C6orf163: variants seen among roughly 807,000 people sequenced by gnomAD.
The protein encoded by C6orf163 is chromosome 6 open reading frame 163.
A neutral mutation model predicts 28.4 loss-of-function variants in C6orf163; 22 were observed. The ratio of observed to expected loss-of-function variants is 0.78; its 90% CI spans 0.55 to 1.11. The LOEUF (loss-of-function observed/expected upper bound fraction) is 1.11. C6orf163 is among the 50% of genes least tolerant of loss of function. The probability of loss-of-function intolerance (pLI) is 0.00; values close to 1 mark genes in which losing one functional copy is unlikely to be tolerated. For missense variants in C6orf163, 342 were observed against 389.1 expected (o/e 0.88, Z 1.02); for synonymous variants, 110 against 123.6 (o/e 0.89, Z 0.73).
At chr6:87,352,742 A>C (rs1380681145) in intron 3 of C6orf163, among the ~76,000 whole-genome samples, 1 of 152,184 alleles carries the variant, frequency 6.6e-6, no homozygotes, top group Non-Finnish European at 1.5e-5. Flanking sequence ...TTGGGCCTTG[A>C]GCTTTCTGGC....
At chr6:87,354,013 A>G (rs1176849710) in intron 3 of C6orf163, among the ~76,000 whole-genome samples, 1 of 152,060 alleles carries the variant, frequency 6.6e-6, no homozygotes, top group Non-Finnish European at 1.5e-5. Flanking sequence ...CACCACACCC[A>G]GTTAATTTTG....
At chr6:87,353,974 C>T (rs1777459642) in intron 3 of C6orf163, among the ~76,000 whole-genome samples, 1 of 152,224 alleles carries the variant, frequency 6.6e-6, no homozygotes, top group African/African-American at 2.4e-5. Flanking sequence ...GCCTCAGCCT[C>T]CCAAGTAGCT....
At position 87,365,207 on chromosome 6, in the gene C6orf163, A is replaced by G. The variant is rs1777628307; in HGVS notation, c.801A>G (p.Gln267=). Residue 267 remains glutamine, a synonymous_variant, in exon 5 of 5, where the codon CAA becomes CAG. Transcript: ENST00000388923. The stretch of plus-strand genomic sequence containing the variant: ...GGGAGCTGCTGTCTATAGCAAAACA[A>G]CTGGGAATCATGACAAATTGGAAAG... ...TQGELLSIAK[Q]LGIMTNWKDF... 2 of 1,551,690 alleles carry G rather than the reference A, an allele frequency of 1.3e-6. No homozygotes were observed. The highest frequency in any genetic ancestry group is 1.4e-5 in the African/African-American group (1 of 73,048).
intron 1 of C6orf163, among the ~76,000 whole-genome samples, chr6:87,346,569 AAAAG>A (rs1252823305): frequency 3.9e-5 from 6 of 152,188 alleles, no homozygotes; most frequent in South Asian, 2.1e-4. Flanking sequence ...TTTAAGTTAA[AAAAG>A]AAAGAAAGTT....
chr6:87,363,679 T>TC (rs1777609678), intron 4 of C6orf163, among the ~76,000 whole-genome samples: 1 of 151,908 alleles, frequency 6.6e-6, no homozygotes, highest in Non-Finnish European at 1.5e-5. Context: ...CATGAACTCA[T>TC]CATTTTTTAT....
chr6:87,356,609 G>A lies in C6orf163; in HGVS notation c.554+106G>A, dbSNP rs1777506402. The A allele has an allele frequency of 6.2e-5, 63 of 1,012,104 alleles. No homozygotes were observed. In the South Asian group the frequency reaches 1.1e-3, roughly 17 times the overall value. 62.7% of individuals were successfully genotyped at this position (1,012,104 alleles called of 1,614,324 possible). ...TAGGTAGATATTGCCCAGTTTTTGT[G>A]TTTTTACATTTTTATTATGGAAAAT... On this transcript the variant is annotated intron_variant, in intron 4 of 4. Coordinates refer to ENST00000388923, the MANE Select transcript of C6orf163 (RefSeq NM_001010868.3).
intron 1 of C6orf163, chr6:87,348,349 C>A: frequency 1.0e-6 from 1 of 986,906 alleles, no homozygotes; most frequent in Non-Finnish European, 1.2e-6. Flanking sequence ...CATACTGAAG[C>A]AGTTAAACCC....
chr6:87,360,951 C>T (rs1777571723), intron 4 of C6orf163, among the ~76,000 whole-genome samples: 1 of 152,136 alleles, frequency 6.6e-6, no homozygotes. Context: ...AATTCCACAA[C>T]TTCAGGGAAC....
chr6:87,353,350 C>T (rs1483559715), intron 3 of C6orf163, among the ~76,000 whole-genome samples: 1 of 151,774 alleles, frequency 6.6e-6, no homozygotes, highest in Admixed American at 6.6e-5. Context: ...AGGATAAATT[C>T]TTGAGGTGAG....
intron 2 of C6orf163, 41 bp downstream of exon 2, chr6:87,348,947 G>A (rs1158243324): frequency 3.0e-5 from 46 of 1,532,176 alleles, no homozygotes; most frequent in Middle Eastern, 3.7e-4. Context: ...CATCTTTACC[G>A]TTCTTTCACA....
chr6:87,347,516 G>T (rs954856101), intron 1 of C6orf163: 2 of 985,290 alleles, frequency 2.0e-6, no homozygotes, highest in African/African-American at 3.5e-5. Context: ...TCTACACAAT[G>T]TTGGGCTTTT....
intron 3 of C6orf163, among the ~76,000 whole-genome samples, chr6:87,350,871 G>A (rs998198127): frequency 2.6e-5 from 4 of 152,226 alleles, no homozygotes; most frequent in Admixed American, 6.5e-5. Flanking sequence ...CTTTCAGCAG[G>A]GGTGTCTGTC....
intron 4 of C6orf163, among the ~76,000 whole-genome samples, chr6:87,361,164 A>C (rs549238312): frequency 6.6e-6 from 1 of 152,270 alleles, no homozygotes; most frequent in East Asian, 1.9e-4. Context: ...ACATGCCTGT[A>C]GTCTCAGCTA....
chr6:87,347,730 A>G (rs145794281), intron 1 of C6orf163: 1 of 985,494 alleles, frequency 1.0e-6, no homozygotes, highest in East Asian at 1.1e-4. Context: ...CAAGGCTTTC[A>G]ATCTGTCCAT....
At chr6:87,348,608 T>C (rs1777364421) in intron 1 of C6orf163, 2 of 1,344,070 alleles carry the variant, frequency 1.5e-6, no homozygotes, top group Non-Finnish European at 1.9e-6. Context: ...TGACCAACTC[T>C]ATCCAGGCCT....
intron 4 of C6orf163, chr6:87,359,139 T>C (rs1777547061): frequency 6.6e-6 from 1 of 152,176 alleles, no homozygotes; most frequent in Non-Finnish European, 1.5e-5. Context: ...AAATAGCACA[T>C]AGGTGCTGCA....
chr6:87,355,633 A>G lies in C6orf163; in HGVS notation c.352-668A>G, dbSNP rs556646168. On this transcript the variant is annotated intron_variant, in intron 3 of 4. Coordinates refer to ENST00000388923, the MANE Select transcript of C6orf163 (RefSeq NM_001010868.3). ...GAATGAATTGCTCCTCCTCTTTATA[A>G]TGTTATATTTCTACATATTGTTATA... Among the ~76,000 whole-genome samples, 22 of 152,252 alleles carry G rather than the reference A, an allele frequency of 1.4e-4. No individual in the cohort carries two copies. In the South Asian group the frequency reaches 3.9e-3, roughly 27 times the overall value.
At chr6:87,345,834 T>C (rs918659701) in intron 1 of C6orf163, among the ~76,000 whole-genome samples, 1 of 144,274 alleles carries the variant, frequency 6.9e-6, no homozygotes, top group African/African-American at 2.6e-5. Flanking sequence ...AGAAAATTGC[T>C]TGAACCCAGG....
At chr6:87,354,360 C>G (rs1262423973) in intron 3 of C6orf163, among the ~76,000 whole-genome samples, 2 of 152,130 alleles carry the variant, frequency 1.3e-5, no homozygotes. Context: ...AATCTGGAGT[C>G]ATTTATGACA....
Sources: gnomAD v4.1 joint callset for allele counts (sites outside exome capture counted in the v4.1 genomes callset) on GRCh38, gnomAD v4.1.1 for gene constraint, MANE v1.5 for transcripts, NCBI Gene and HGNC (gene_info 2026-07-23, HGNC 2026-07-21) for gene names.